The following EPB41 variants were observed in gnomAD, a reference collection of about 807,000 sequenced individuals.
The protein encoded by EPB41 is erythrocyte membrane protein band 4.1.
EPB41 carries 65 observed loss-of-function variants against 108.0 expected under a neutral mutation model. The ratio of observed to expected loss-of-function variants is 0.60; its 90% confidence interval spans 0.49 to 0.74. The LOEUF is 0.74. EPB41 is among the 30% of genes least tolerant of loss of function. The probability of loss-of-function intolerance (pLI) is 0.00; values close to 1 mark genes in which losing one functional copy is unlikely to be tolerated. For missense variants in EPB41, 875 were observed against 1,037.0 expected (o/e 0.84, Z 2.15); for synonymous variants, 336 against 358.9 (o/e 0.94, Z 0.72).
At chr1:28,937,455 C>T (rs983068762) in intron 1 of EPB41, among the ~76,000 whole-genome samples, 28 of 152,124 alleles carry the variant, frequency 1.8e-4, no homozygotes, top group Non-Finnish European at 2.5e-4. Context: ...AGTGCAATGG[C>T]GCGATCTAGG....
chr1:29,052,295 TACA>T (rs1558159503), intron 11 of EPB41, among the ~76,000 whole-genome samples: 1 of 152,182 alleles, frequency 6.6e-6, no homozygotes. Context: ...CCTCCTCTGT[TACA>T]ACAACCAAAA....
At chr1:29,113,562 C>T (rs1669914747) in intron 19 of EPB41, among the ~76,000 whole-genome samples, 1 of 152,226 alleles carries the variant, frequency 6.6e-6, no homozygotes, top group South Asian at 2.1e-4. Context: ...GCTACGTGCT[C>T]AGTCTGCACT....
chr1:28,964,777 A>G (rs899207823), intron 1 of EPB41, among the ~76,000 whole-genome samples: 1 of 152,098 alleles, frequency 6.6e-6, no homozygotes, highest in African/African-American at 2.4e-5. Flanking sequence ...CTGTCATCCT[A>G]TATTTTATAC....
chr1:29,106,175 A>G (rs879630268), intron 17 of EPB41, among the ~76,000 whole-genome samples: 2 of 152,222 alleles, frequency 1.3e-5, no homozygotes, highest in Non-Finnish European at 2.9e-5. Context: ...CAGGCCCTGT[A>G]TGGGAACAGG....
At chr1:29,031,103 C>T (rs1558083316) in intron 8 of EPB41, among the ~76,000 whole-genome samples, 1 of 152,196 alleles carries the variant, frequency 6.6e-6, no homozygotes, top group Non-Finnish European at 1.5e-5. Context: ...GCCACCGTGC[C>T]CGGCCTCTTG....
chr1:29,023,572 A>G (rs1409856577), intron 7 of EPB41, among the ~76,000 whole-genome samples: 1 of 151,748 alleles, frequency 6.6e-6, no homozygotes, highest in East Asian at 2.0e-4. Flanking sequence ...CTGTAATCCC[A>G]GCTCCTCAGG....
At position 29,112,514 on chromosome 1, in the gene EPB41, A is replaced by C. The variant is rs189787750; in HGVS notation, c.2496+66A>C. The C allele has an allele frequency of 2.5e-4, 330 of 1,323,992 alleles. 1 individual carries two copies. The East Asian group carries it at 7.4e-3, about 30-fold the overall frequency. The allele number at this position is 1,323,992 out of a possible 1,614,324, so 82.0% of individuals were successfully genotyped here. On this transcript the variant is annotated intron_variant, in intron 19 of 20. Coordinates refer to ENST00000343067, the MANE Select transcript of EPB41 (RefSeq NM_001376013.1). ...GGGCAGGAAGACCGATGAATACAGGAGTTTGTTTGCCATCTTCATCTGCAA... is the reference window on the plus strand; with the variant it reads ...GGGCAGGAAGACCGATGAATACAGGCGTTTGTTTGCCATCTTCATCTGCAA...
intron 1 of EPB41, chr1:28,985,647 G>A (rs868444166): frequency 1.3e-5 from 2 of 152,086 alleles, no homozygotes; most frequent in African/African-American, 4.8e-5. Context: ...AAGAGGGAAT[G>A]AGCTAAATAT....
At chr1:28,903,364 G>A (rs1238419438) in intron 1 of EPB41, among the ~76,000 whole-genome samples, 1 of 141,530 alleles carries the variant, frequency 7.1e-6, no homozygotes, top group Non-Finnish European at 1.5e-5. Flanking sequence ...TCACTCTGCT[G>A]CCCAGGCTGG....
At chr1:29,098,015 T>A in intron 17 of EPB41, 80 bp downstream of exon 17, 1 of 1,593,212 alleles carries the variant, frequency 6.3e-7, no homozygotes, top group Non-Finnish European at 8.6e-7. Context: ...TCTAGTCATT[T>A]ATCGCCAAGA....
intron 15 of EPB41, among the ~76,000 whole-genome samples, chr1:29,063,639 A>G (rs1265354233): frequency 6.6e-6 from 1 of 152,208 alleles, no homozygotes; most frequent in Non-Finnish European, 1.5e-5. Flanking sequence ...GCTGTTTCCT[A>G]CAGAGCCAAA....
At chr1:28,887,111 T>C (rs1482197937), upstream of EPB41, 8 of 680,366 alleles carry the variant, frequency 1.2e-5, no homozygotes, top group Non-Finnish European at 1.8e-5. The surrounding 1 kb of genome is among the most constrained non-coding windows in gnomAD (Gnocchi z 4.9). Flanking sequence ...TCAGTGCAGG[T>C]GGAGGCCCCG....
At chr1:28,934,666 TTGTGTGTGTGTGTGTG>T (rs1204147204) in intron 1 of EPB41, among the ~76,000 whole-genome samples, 3 of 136,308 alleles carry the variant, frequency 2.2e-5, no homozygotes, top group African/African-American at 2.9e-5. Flanking sequence ...TCTTTTGACA[TTGTGTGTGTGTGTGTG>T]TGTGTGTGTG....
chr1:29,039,190 T>A, intron 10 of EPB41, 64 bp from the exon 11 acceptor site: 1 of 1,509,986 alleles, frequency 6.6e-7, no homozygotes, highest in Non-Finnish European at 9.0e-7. Flanking sequence ...TTGTTTTTAA[T>A]TTTACAGTTT....
chr1:29,112,252 C>T, intron 18 of EPB41, 116 bp from the exon 19 acceptor site: 1 of 830,728 alleles, frequency 1.2e-6, no homozygotes, highest in South Asian at 1.5e-5. Flanking sequence ...CCTCCTATCT[C>T]AGCCTCCCAA....
intron 16 of EPB41, 158 bp downstream of exon 16, chr1:29,065,316 A>ATT: frequency 7.6e-7 from 1 of 1,320,008 alleles, no homozygotes; most frequent in Non-Finnish European, 9.8e-7. Context: ...TCAAATATTT[A>ATT]TTTTTTTTTA....
rs535627190 is a variant in EPB41, at chr1:28,927,188, A to G, written c.-8+12420A>G. Among the ~76,000 whole-genome samples, 12 of 152,358 alleles carry G rather than the reference A, an allele frequency of 7.9e-5. No homozygotes were observed. The East Asian group carries it at 1.5e-3, about 20-fold the overall frequency. On this transcript the variant is annotated intron_variant, in intron 1 of 20. Coordinates refer to ENST00000343067, the MANE Select transcript of EPB41 (RefSeq NM_001376013.1). ...GAAGTGTAGCTTTTAGCAGTTACAGAAAGATATACCTTATTGTCTTAAAGT... is the reference window on the plus strand; with the variant it reads ...GAAGTGTAGCTTTTAGCAGTTACAGGAAGATATACCTTATTGTCTTAAAGT...
At chr1:29,023,484 T>C (rs1247448797) in intron 7 of EPB41, among the ~76,000 whole-genome samples, 1 of 150,908 alleles carries the variant, frequency 6.6e-6, no homozygotes, top group African/African-American at 2.4e-5. Context: ...GGTCGGGAGT[T>C]CAAGACCAGC....
Position 29,018,909 on chromosome 1 carries a change from CT to C in EPB41, c.1124+471del, listed in dbSNP as rs951814856. On this transcript the variant is annotated intron_variant, in intron 7 of 20. Transcript: ENST00000343067. The surrounding 1 kb of genome is among the most constrained non-coding windows in gnomAD (Gnocchi z 4.4). ...TTTATTAAATTTACTGACTATACTG[CT>C]TTTATACATGAAAATGATTGGTAAT... 6.6e-6 allele frequency among the ~76,000 whole-genome samples: 1 copy of C among 152,076 alleles called. No homozygotes were observed. Among genetic ancestry groups the C allele is most frequent in the African/African-American group, 2.4e-5 (1 of 41,394 alleles).
Sources: gnomAD v4.1 joint callset for allele counts (sites outside exome capture counted in the v4.1 genomes callset) on GRCh38, gnomAD v4.1.1 for gene constraint, Gnocchi (gnomAD v3.1) non-coding constraint, MANE v1.5 for transcripts, NCBI Gene and HGNC (gene_info 2026-07-23, HGNC 2026-07-21) for gene names.